The following SASH1 variants were observed in gnomAD, a reference collection of about 807,000 sequenced individuals.
The protein encoded by SASH1 is SAM and SH3 domain-containing protein 1.
In SASH1, 44 loss-of-function variants were observed where a neutral mutation model predicts 125.2. That is an observed-to-expected ratio of 0.35 (90% CI 0.28 to 0.45). The LOEUF (loss-of-function observed/expected upper bound fraction) is 0.45. SASH1 is among the 20% of genes least tolerant of loss of function. SASH1 has a pLI of 1.00. For missense variants in SASH1, 1,426 were observed against 1,614.5 expected (o/e 0.88, Z 2.00); for synonymous variants, 639 against 649.1 (o/e 0.98, Z 0.24).
rs1330557129 is a variant in SASH1 at position 148,400,617 on chromosome 6, G to T, written c.285+10355G>T. 4.6e-5 allele frequency among the ~76,000 whole-genome samples: 7 copies of T among 152,140 alleles called. No homozygotes were observed. The South Asian group carries it at 1.2e-3, about 27-fold the overall frequency. ...AATACAAAAATAAACAGGGCGTGGT[G>T]GCACACACCTATTGTCCCAGCCACT... is the stretch of plus-strand genomic sequence containing the variant. On this transcript the variant is annotated intron_variant, in intron 2 of 19. Transcript: ENST00000367467.
At chr6:148,508,397 C>T in intron 8 of SASH1, 7 of 856,246 alleles carry the variant, frequency 8.2e-6, no homozygotes, top group Non-Finnish European at 9.9e-6. Flanking sequence ...TCCTCCTTGT[C>T]CTGGATTTGC....
At chr6:148,442,254 A>G (rs1474286423) in intron 4 of SASH1, among the ~76,000 whole-genome samples, 1 of 122,822 alleles carries the variant, frequency 8.1e-6, no homozygotes, top group Non-Finnish European at 1.7e-5. Context: ...CAGCCCCCCC[A>G]AAATTAGCCA....
chr6:148,333,217 A>G (rs1781043854), intron 1 of SASH1, among the ~76,000 whole-genome samples: 1 of 152,012 alleles, frequency 6.6e-6, no homozygotes, highest in African/African-American at 2.4e-5. Context: ...CCTGGGCAAC[A>G]TAGGGAGACT....
Position 148,544,563 on chromosome 6 carries a change from C to T in SASH1, c.3093C>T (p.Ser1031=), listed in dbSNP as rs150366107. 1.2e-6 allele frequency: 2 copies of T among 1,613,300 alleles called. No individual in the cohort carries two copies. The highest frequency in any genetic ancestry group is 1.1e-5 in the South Asian group (1 of 91,074). ...GGGGCAGCCCCGCCAGCCCCACCAG[C>T]CCTAGCGACTGTCCCCCAGCACTGG... ...VKRGSPASPT[S]PSDCPPALAP... The change falls in exon 18 of 20, where the codon AGC becomes AGT. Residue 1031 remains serine, a synonymous_variant. Transcript: ENST00000367467. The surrounding 1 kb of genome is among the most constrained non-coding windows in gnomAD (Gnocchi z 6.4).
chr6:148,411,063 G>A (rs192911198), intron 2 of SASH1, among the ~76,000 whole-genome samples: 1 of 150,636 alleles, frequency 6.6e-6, no homozygotes, highest in African/African-American at 2.4e-5. Flanking sequence ...GGAGGCTGAG[G>A]CAGGAGAATT....
chr6:148,244,610 A>G, the SASH1 span, among the ~76,000 whole-genome samples: 2 of 152,100 alleles, frequency 1.3e-5, no homozygotes, highest in East Asian at 3.9e-4. Flanking sequence ...CGTTTCTTTA[A>G]TAGGGAAGAC....
intron 9 of SASH1, among the ~76,000 whole-genome samples, chr6:148,515,364 G>A (rs546223031): frequency 6.6e-6 from 1 of 152,204 alleles, no homozygotes; most frequent in South Asian, 2.1e-4. Context: ...AGGCATTTTT[G>A]TTATATAGAA....
intron 11 of SASH1, among the ~76,000 whole-genome samples, chr6:148,526,046 CTTTTTTTTTTTTT>C (rs34023266): frequency 1.7e-4 from 9 of 54,132 alleles, no homozygotes; most frequent in South Asian, 1.1e-3. Context: ...GAAGGTGAGT[CTTTTTTTTTTTTT>C]TTTTTTTTTT....
intron 9 of SASH1, among the ~76,000 whole-genome samples, chr6:148,517,816 C>T (rs1780531141): frequency 6.6e-6 from 1 of 152,212 alleles, no homozygotes; most frequent in Non-Finnish European, 1.5e-5. Context: ...CAGAAAATGT[C>T]CAAAGCAACT....
At chr6:148,335,389 C>CGGGAGGT (rs1781124274) in intron 1 of SASH1, among the ~76,000 whole-genome samples, 1 of 144,586 alleles carries the variant, frequency 6.9e-6, no homozygotes, top group Admixed American at 7.2e-5. Context: ...TGCTTGAACC[C>CGGGAGGT]GGGAGGTGGA....
At chr6:148,414,390 C>T (rs1213651615) in intron 2 of SASH1, among the ~76,000 whole-genome samples, 1 of 151,986 alleles carries the variant, frequency 6.6e-6, no homozygotes, top group African/African-American at 2.4e-5. Context: ...AGGTGGTAGA[C>T]TGGGGTAGAA....
chr6:148,537,324 G>T (rs1781908155), intron 16 of SASH1, among the ~76,000 whole-genome samples: 1 of 152,176 alleles, frequency 6.6e-6, no homozygotes, highest in East Asian at 1.9e-4. Context: ...ATTGGGAAAA[G>T]ACTCTAATTG....
At chr6:148,487,918 GTTT>G (rs1383262363) in intron 8 of SASH1, among the ~76,000 whole-genome samples, 1 of 136,028 alleles carries the variant, frequency 7.4e-6, no homozygotes. Flanking sequence ...CTGGGGTTTT[GTTT>G]TTTTTTTTTT....
intron 6 of SASH1, among the ~76,000 whole-genome samples, chr6:148,471,774 G>A (rs113726569): frequency 8.6e-4 from 131 of 152,268 alleles, no homozygotes; most frequent in African/African-American, 3.1e-3. Context: ...CGTTTCCTCA[G>A]TTGCACCAAC....
upstream of SASH1, chr6:148,272,281 A>T (rs1779079939): frequency 2.2e-6 from 1 of 458,628 alleles, no homozygotes; most frequent in Non-Finnish European, 4.6e-6. Flanking sequence ...GCCTTACATC[A>T]GTGCTGCAGA....
chr6:148,298,756 A>AGAG (rs1554231139), intron 1 of SASH1, among the ~76,000 whole-genome samples: 2 of 122,342 alleles, frequency 1.6e-5, no homozygotes, highest in Non-Finnish European at 3.3e-5. Flanking sequence ...AGGAAGGAAG[A>AGAG]AAAGAGAGAA....
At chr6:148,338,021 G>A (rs1356925342), upstream of SASH1, among the ~76,000 whole-genome samples, 1 of 119,012 alleles carries the variant, frequency 8.4e-6, no homozygotes, top group Non-Finnish European at 2.0e-5. Context: ...AGAAAAAGGG[G>A]AGTAGGATTC....
intron 2 of SASH1, among the ~76,000 whole-genome samples, chr6:148,401,286 C>T (rs962394096): frequency 5.9e-5 from 9 of 151,586 alleles, no homozygotes; most frequent in Non-Finnish European, 1.2e-4. Context: ...GCGGTCACAT[C>T]AGTTATCCTG....
upstream of SASH1, among the ~76,000 whole-genome samples, chr6:148,341,979 T>C (rs540641022): frequency 6.6e-6 from 1 of 152,206 alleles, no homozygotes; most frequent in Non-Finnish European, 1.5e-5. Context: ...AAATCTGTCC[T>C]GGGGCTTCCC....
Sources: gnomAD v4.1 joint callset for allele counts (sites outside exome capture counted in the v4.1 genomes callset) on GRCh38, gnomAD v4.1.1 for gene constraint, Gnocchi (gnomAD v3.1) non-coding constraint, MANE v1.5 for transcripts, NCBI Gene and HGNC (gene_info 2026-07-23, HGNC 2026-07-21) for gene names.